CENPU: variants seen among roughly 807,000 people sequenced by gnomAD.
CENPU encodes KSHV latent nuclear antigen interacting protein 1.
In CENPU, 46 loss-of-function variants were observed where a neutral mutation model predicts 56.7. That is an observed-to-expected ratio of 0.81 (90% confidence interval 0.64 to 1.04). The LOEUF (loss-of-function observed/expected upper bound fraction) is 1.04, where lower values mean the gene tolerates loss of function less well. Among genes scored for constraint, CENPU ranks in the 50% least tolerant of loss-of-function variants. CENPU has a pLI of 0.00. For missense variants in CENPU, 510 were observed against 490.1 expected (o/e 1.04, Z -0.38); for synonymous variants, 166 against 163.0 (o/e 1.02, Z -0.14).
At chr4:184,716,686 A>T in intron 5 of CENPU, 53 bp from the exon 6 acceptor site, 2 of 1,328,914 alleles carry the variant, frequency 1.5e-6, no homozygotes, top group Non-Finnish European at 2.1e-6. Context: ...AATGCTTATA[A>T]TTCTTACTGT....
chr4:184,697,906 A>G, intron 11 of CENPU, 103 bp from the exon 12 acceptor site: 1 of 751,910 alleles, frequency 1.3e-6, no homozygotes, highest in African/African-American at 1.8e-5. Flanking sequence ...GGGCTGGCCA[A>G]CTAGATGACT....
rs760393514 is a variant in CENPU, at chr4:184,724,979, G to C, written c.298C>G (p.Pro100Ala). Residue 100 changes from proline to alanine, a missense_variant, in exon 4 of 13, where the codon CCA becomes GCA. By Grantham distance (27) the Pro-to-Ala change is conservative (BLOSUM62 -1). Coordinates refer to ENST00000281453, the MANE Select transcript of CENPU (RefSeq NM_024629.4). ...TACCTTCTTTTTGCTTCTTTTCCTG[G>C]AGGAGTTGAAGAGAGAGACAGTCCA... ...HCGLSLSSTP[P>A]GKEAKRSSDT... 1.9e-6 allele frequency: 3 copies of C among 1,610,840 alleles called. No homozygotes were observed. Among genetic ancestry groups the C allele is most frequent in the Non-Finnish European group, 2.5e-6 (3 of 1,177,918 alleles).
intron 8 of CENPU, among the ~76,000 whole-genome samples, chr4:184,708,648 T>C (rs891189837): frequency 1.2e-4 from 19 of 152,180 alleles, no homozygotes; most frequent in Non-Finnish European, 2.5e-4. Context: ...GAATACAAAG[T>C]TTCCAAAGTA....
chr4:184,712,806 A>G (rs1760967820), intron 7 of CENPU, 138 bp downstream of exon 7: 3 of 616,596 alleles, frequency 4.9e-6, no homozygotes, highest in South Asian at 4.2e-5. Context: ...ATGTTACTCC[A>G]AAGTCACATA....
rs1256150713 is a variant in CENPU, at chr4:184,694,319, T to C, written c.*969A>G. The stretch of plus-strand genomic sequence containing the variant: ...GTAATTTCAAATTTGGAGTTTCAAG[T>C]GTGTCTGAGCTTCAGTGCAGCAACG... On this transcript the variant is annotated 3_prime_UTR_variant, in exon 13 of 13. Transcript: ENST00000281453. 7.5e-7 allele frequency: 1 copy of C among 1,334,028 alleles called. No individual in the cohort carries two copies. Among genetic ancestry groups the C allele is most frequent in the Non-Finnish European group, 9.6e-7 (1 of 1,041,394 alleles). 82.6% of individuals were successfully genotyped at this position (1,334,028 alleles called of 1,614,324 possible).
At position 184,711,099 on chromosome 4, in the gene CENPU, T is replaced by C. The variant is rs1167133872; in HGVS notation, c.689-919A>G. ...CTTGAACTCCTGGGCTCAAGCAATC[T>C]CTCACCTCAGCCTCCCAAAGTGCTG... is the stretch of plus-strand genomic sequence containing the variant. On this transcript the variant is annotated intron_variant, in intron 7 of 12. Transcript: ENST00000281453. Among the ~76,000 whole-genome samples, 1,478 of 152,126 alleles carry C rather than the reference T, an allele frequency of 9.7e-3. 31 individuals are homozygous for C. The highest frequency in any genetic ancestry group is 0.039 in the South Asian group (188 of 4,816).
intron 1 of CENPU, chr4:184,733,395 A>G (rs962682941): frequency 1.0e-6 from 1 of 991,892 alleles, no homozygotes; most frequent in Non-Finnish European, 1.2e-6. Flanking sequence ...GCAAGCCGAG[A>G]CCCTTCCCGC....
intron 4 of CENPU, among the ~76,000 whole-genome samples, chr4:184,718,987 C>T (rs1484855536): frequency 6.6e-6 from 1 of 152,064 alleles, no homozygotes; most frequent in African/African-American, 2.4e-5. Flanking sequence ...TAGTTAAAAC[C>T]ATGAGCGTGA....
Position 184,694,095 on chromosome 4 carries a change from TG to T in CENPU, c.*1192del. On this transcript the variant is annotated 3_prime_UTR_variant, in exon 13 of 13. Transcript: ENST00000281453. ...TACAATCCAGTCATATTTTGGCAAC[TG>T]TTTTTAATCTTTTTTCAATCCATGT... 1 of 370,512 alleles carries T rather than the reference TG, an allele frequency of 2.7e-6. No individual in the cohort carries two copies. Among genetic ancestry groups the T allele is most frequent in the East Asian group, 1.7e-4 (1 of 6,056 alleles). The allele number at this position is 370,512 out of a possible 1,614,324, so 23.0% of individuals were successfully genotyped here.
rs34873798 is a variant in CENPU, at chr4:184,717,136, CT to C, written c.380del (p.Lys127SerfsTer31). 7 of 1,606,554 alleles carry C rather than the reference CT, an allele frequency of 4.4e-6. No homozygotes were observed. Among genetic ancestry groups the C allele is most frequent in the Admixed American group, 3.3e-5 (2 of 59,948 alleles). Reference protein sequence around the residue: ...EIESVKISAKKPGRKLRPISD... With the variant: ...EIESVKISAKXPGRKLRPISD... The stretch of plus-strand genomic sequence containing the variant: ...TAGAAGAGTGAATACTCCTACATAC[CT>C]TTTTTGCACTAATTTTTACAGATTC... On this transcript the variant is annotated frameshift_variant and splice_region_variant, in exon 5 of 13. Coordinates refer to ENST00000281453, the MANE Select transcript of CENPU (RefSeq NM_024629.4). LOFTEE classifies it high-confidence loss of function.
intron 12 of CENPU, among the ~76,000 whole-genome samples, chr4:184,696,883 C>CTT (rs11356233): frequency 2.0e-3 from 292 of 142,872 alleles, no homozygotes; most frequent in Non-Finnish European, 2.6e-3. Flanking sequence ...TGTTCCTTAA[C>CTT]TTTTTTTTTT....
chr4:184,704,032 A>G (rs1561130299), intron 8 of CENPU, among the ~76,000 whole-genome samples: 1 of 152,166 alleles, frequency 6.6e-6, no homozygotes, highest in African/African-American at 2.4e-5. Flanking sequence ...GGTATACTAC[A>G]TAATACTAGG....
chr4:184,708,125 G>A (rs1054311775), intron 8 of CENPU, among the ~76,000 whole-genome samples: 1 of 149,872 alleles, frequency 6.7e-6, no homozygotes, highest in African/African-American at 2.4e-5. Context: ...TTGGGAGGCT[G>A]AGGCAGGTGA....
intron 6 of CENPU, among the ~76,000 whole-genome samples, chr4:184,716,108 C>G (rs1371974536): frequency 6.6e-6 from 1 of 151,694 alleles, no homozygotes; most frequent in Non-Finnish European, 1.5e-5. Context: ...AATTTTTGTA[C>G]TTTATTAGTA....
At chr4:184,718,899 A>C (rs1351350243) in intron 4 of CENPU, among the ~76,000 whole-genome samples, 1 of 152,186 alleles carries the variant, frequency 6.6e-6, no homozygotes, top group Non-Finnish European at 1.5e-5. Flanking sequence ...CATTTAGAGA[A>C]ATACGGCCAA....
At chr4:184,701,008 T>C in intron 10 of CENPU, 127 bp from the exon 11 acceptor site, 1 of 725,720 alleles carries the variant, frequency 1.4e-6, no homozygotes. Context: ...CAGACTTTGG[T>C]CTAATGGGGA....
At chr4:184,702,478 TG>T in intron 8 of CENPU, 37 bp from the exon 9 acceptor site, 1 of 1,497,892 alleles carries the variant, frequency 6.7e-7, no homozygotes. Context: ...AGTACCATGA[TG>T]GATTTTGAAA....
In CENPU at chr4:184,700,802, G is replaced by T. The variant is rs1310291069; in HGVS notation, c.986+18C>A. 1.2e-6 allele frequency: 2 copies of T among 1,608,790 alleles called. No homozygotes were observed. Among genetic ancestry groups the T allele is most frequent in the East Asian group, 2.2e-5 (1 of 44,854 alleles). On this transcript the variant is annotated intron_variant, in intron 11 of 12. Coordinates refer to ENST00000281453, the MANE Select transcript of CENPU (RefSeq NM_024629.4). ...TCCTTTTAGGTAAGTGCTCAAACAGGATTTGACAGTATCTTACCGAAGCAG... is the reference window on the plus strand; with the variant it reads ...TCCTTTTAGGTAAGTGCTCAAACAGTATTTGACAGTATCTTACCGAAGCAG...
intron 8 of CENPU, among the ~76,000 whole-genome samples, chr4:184,706,366 TAAG>T (rs1215136914): frequency 6.6e-6 from 1 of 152,158 alleles, no homozygotes; most frequent in Non-Finnish European, 1.5e-5. Context: ...GTTTTTTAAA[TAAG>T]AAAAACTGGT....
Sources: gnomAD v4.1 joint callset for allele counts (sites outside exome capture counted in the v4.1 genomes callset) on GRCh38, gnomAD v4.1.1 for gene constraint, MANE v1.5 for transcripts, NCBI Gene and HGNC (gene_info 2026-07-23, HGNC 2026-07-21) for gene names.